The following PRDM11 variants were observed in gnomAD, a reference collection of about 807,000 sequenced individuals.
PRDM11 encodes PR domain-containing protein 11.
Under a neutral mutation model 97.8 loss-of-function variants are expected in PRDM11, and 20 were observed. The observed-to-expected ratio is 0.20, with a 90% confidence interval of 0.14 to 0.30. PRDM11 has a LOEUF of 0.30. PRDM11 is among the 10% of genes least tolerant of loss of function. The probability of loss-of-function intolerance (pLI) is 1.00; values close to 1 mark genes in which losing one functional copy is unlikely to be tolerated. For missense variants in PRDM11, 1,139 were observed against 1,555.2 expected (o/e 0.73, Z 4.50); for synonymous variants, 599 against 637.7 (o/e 0.94, Z 0.91).
chr11:45,200,117 G>T (rs1853274872), intron 4 of PRDM11, among the ~76,000 whole-genome samples: 2 of 152,182 alleles, frequency 1.3e-5, no homozygotes, highest in Non-Finnish European at 1.5e-5. Flanking sequence ...GACATTTGTT[G>T]GTTGAATGAA....
intron 1 of PRDM11, among the ~76,000 whole-genome samples, chr11:45,164,100 G>A (rs796500508): frequency 1.3e-4 from 20 of 152,160 alleles, no homozygotes; most frequent in African/African-American, 4.6e-4. Context: ...CCTGAAAGAT[G>A]GGGGATCTGA....
intron 1 of PRDM11, among the ~76,000 whole-genome samples, chr11:45,096,694 A>G (rs541688665): frequency 3.7e-4 from 57 of 152,140 alleles, no homozygotes; most frequent in Non-Finnish European, 7.4e-4. Flanking sequence ...ACTGGCTTTG[A>G]TTTTTAGTGT....
chr11:45,155,566 G>A (rs764799528), intron 1 of PRDM11, among the ~76,000 whole-genome samples: 2 of 152,034 alleles, frequency 1.3e-5, no homozygotes, highest in Non-Finnish European at 2.9e-5. Context: ...TCTTTAGGCC[G>A]GCTGTGTTCC....
rs143614867 is a variant in PRDM11 at position 45,150,012 on chromosome 11, C to G, written c.-7+3135C>G. 7.9e-5 allele frequency among the ~76,000 whole-genome samples: 12 copies of G among 152,282 alleles called. No homozygotes were observed. In the East Asian group the frequency reaches 1.9e-3, roughly 25 times the overall value. Reference sequence around the variant, plus strand: ...CATGCATATCTGAGCTTATAAACCCCTGCCTGAAAGACCTTCAGGGACTCC... The same window carrying G: ...CATGCATATCTGAGCTTATAAACCCGTGCCTGAAAGACCTTCAGGGACTCC... On this transcript the variant is annotated intron_variant, in intron 1 of 7. Coordinates refer to ENST00000683152, the MANE Select transcript of PRDM11 (RefSeq NM_001384648.1).
intron 1 of PRDM11, among the ~76,000 whole-genome samples, chr11:45,165,515 G>C (rs1466536687): frequency 6.6e-6 from 1 of 152,194 alleles, no homozygotes; most frequent in Non-Finnish European, 1.5e-5. Context: ...CGCACACTCA[G>C]ATGCCCAGCC....
intron 6 of PRDM11, among the ~76,000 whole-genome samples, chr11:45,222,187 G>A (rs1161788929): frequency 6.6e-6 from 1 of 152,094 alleles, no homozygotes; most frequent in African/African-American, 2.4e-5. Flanking sequence ...TTACTTTGAG[G>A]TTTTCTTTGT....
chr11:45,101,567 A>AAAAAAAAAAGAAG (rs767802218), intron 1 of PRDM11, among the ~76,000 whole-genome samples: 1,049 of 96,750 alleles, frequency 0.011, 34 homozygotes, highest in Admixed American at 0.014. Context: ...AAAAAAAAAA[A>AAAAAAAAAAGAAG]AAGAAGAAGA....
At chr11:45,202,754 C>A (rs1416913955) in intron 4 of PRDM11, among the ~76,000 whole-genome samples, 2 of 151,520 alleles carry the variant, frequency 1.3e-5, no homozygotes, top group African/African-American at 4.8e-5. Flanking sequence ...GAGAGAGAGG[C>A]CTGAGACAAA....
In PRDM11 at chr11:45,096,586, A is replaced by G. The variant is rs559189628; in HGVS notation, c.96+685A>G. On this transcript the variant is annotated intron_variant, in intron 1 of 6. Transcript: ENST00000530656. ...ATTATTCTGGCCAGGCTCTCCGAAGATAAAAGACATCCTCAGATGTTCCTA... is the reference window on the plus strand; with the variant it reads ...ATTATTCTGGCCAGGCTCTCCGAAGGTAAAAGACATCCTCAGATGTTCCTA... Among the ~76,000 whole-genome samples the G allele has an allele frequency of 5.3e-5, 8 of 152,248 alleles. No homozygotes were observed. In the Middle Eastern group the frequency reaches 0.01, roughly 194 times the overall value.
At chr11:45,108,369 C>A (rs974145097) in intron 1 of PRDM11, among the ~76,000 whole-genome samples, 2 of 152,220 alleles carry the variant, frequency 1.3e-5, no homozygotes, top group Non-Finnish European at 2.9e-5. Context: ...CCCCTGGGAC[C>A]TGCTCAAGTA....
chr11:45,155,460 C>T (rs529168855), intron 1 of PRDM11, among the ~76,000 whole-genome samples: 18 of 152,216 alleles, frequency 1.2e-4, no homozygotes, highest in East Asian at 3.9e-4. Flanking sequence ...TGGGGGTTGC[C>T]GGGAGGTGGT....
At chr11:45,177,752 A>G (rs1238675211) in intron 1 of PRDM11, among the ~76,000 whole-genome samples, 3 of 152,162 alleles carry the variant, frequency 2.0e-5, no homozygotes, top group East Asian at 1.9e-4. Context: ...GGACTCGGTA[A>G]CTCATTATGT....
At chr11:45,119,796 AT>A (rs1248833327) in intron 1 of PRDM11, among the ~76,000 whole-genome samples, 1 of 152,142 alleles carries the variant, frequency 6.6e-6, no homozygotes, top group East Asian at 1.9e-4. Context: ...ACTGAAAGAT[AT>A]TATCTATAGC....
At chr11:45,114,525 T>G (rs1284627347) in intron 1 of PRDM11, among the ~76,000 whole-genome samples, 1 of 152,148 alleles carries the variant, frequency 6.6e-6, no homozygotes, top group Non-Finnish European at 1.5e-5. Context: ...AAAAATTATT[T>G]GATAAACTGT....
upstream of PRDM11, among the ~76,000 whole-genome samples, chr11:45,144,569 G>A (rs1364689331): frequency 6.6e-6 from 1 of 152,142 alleles, no homozygotes; most frequent in African/African-American, 2.4e-5. Context: ...TGGAGGATGG[G>A]ACCACTCCCC....
At position 45,181,838 on chromosome 11, in the gene PRDM11, G is replaced by T; in HGVS notation, c.72G>T (p.Lys24Asn). Residue 24 changes from lysine to asparagine, a missense_variant, in exon 2 of 8, where the codon AAG (lysine) becomes AAT (asparagine). By Grantham distance (94) the Lys-to-Asn change is moderately conservative (BLOSUM62 0). Around this residue, in one of 2 missense-constraint regions of PRDM11, gnomAD observed 429 missense variants for 510.3 expected, o/e 0.84. Coordinates refer to ENST00000683152, the MANE Select transcript of PRDM11 (RefSeq NM_001384648.1). The stretch of plus-strand genomic sequence containing the variant: ...TGGGGGATATGGTGACGGTGGTGAA[G>T]ACGGAGGTCTGCTCACCACTCCGAG... ...AAVGDMVTVV[K>N]TEVCSPLRDQ... The T allele has an allele frequency of 6.2e-7, 1 of 1,613,588 alleles. No individual in the cohort carries two copies. Among genetic ancestry groups the T allele is most frequent in the Non-Finnish European group, 8.5e-7 (1 of 1,179,958 alleles).
chr11:45,157,265 A>G (rs960442081), intron 1 of PRDM11, among the ~76,000 whole-genome samples: 1 of 152,118 alleles, frequency 6.6e-6, no homozygotes, highest in Non-Finnish European at 1.5e-5. Context: ...GGATGAAACT[A>G]TTCCACTTCA....
intron 1 of PRDM11, among the ~76,000 whole-genome samples, chr11:45,177,765 C>T (rs1001363992): frequency 1.3e-5 from 2 of 152,180 alleles, no homozygotes; most frequent in Admixed American, 6.5e-5. Flanking sequence ...CATTATGTTT[C>T]CCTTTATGCT....
At chr11:45,189,034 T>C in intron 4 of PRDM11, among the ~76,000 whole-genome samples, 1 of 152,202 alleles carries the variant, frequency 6.6e-6, no homozygotes, top group East Asian at 1.9e-4. Context: ...CCCTAGTAGC[T>C]GGGATTACAG....
Sources: gnomAD v4.1 joint callset for allele counts (sites outside exome capture counted in the v4.1 genomes callset) on GRCh38, gnomAD v4.1.1 for gene constraint, gnomAD v4.1.1 regional missense constraint, MANE v1.5 for transcripts, NCBI Gene and HGNC (gene_info 2026-07-23, HGNC 2026-07-21) for gene names.